OR1J2: variants seen among roughly 807,000 people sequenced by gnomAD.
The protein encoded by OR1J2 is olfactory receptor 1J2.
For missense variants in OR1J2, 304 were observed against 246.1 expected (o/e 1.24, Z -1.57); for synonymous variants, 142 against 99.7 (o/e 1.42, Z -2.52).
upstream of OR1J2, chr9:122,510,769 G>T: frequency 1.7e-6 from 2 of 1,189,264 alleles, no homozygotes; most frequent in South Asian, 3.0e-5. Context: ...ATATTCTCAA[G>T]CATTCTTCAT....
At chr9:122,524,081 T>C in the OR1J2 span, among the ~76,000 whole-genome samples, 1 of 152,232 alleles carries the variant, frequency 6.6e-6, no homozygotes, top group African/African-American at 2.4e-5. Context: ...TGCCTCATAA[T>C]GATGTTTTGG....
chr9:122,488,865 T>TTTG, the OR1J2 span, among the ~76,000 whole-genome samples: 2 of 151,592 alleles, frequency 1.3e-5, no homozygotes, highest in African/African-American at 4.9e-5. Context: ...TTTTTTAAAA[T>TTTG]TTATTATACT....
chr9:122,485,266 A>G, the OR1J2 span, among the ~76,000 whole-genome samples: 7 of 152,236 alleles, frequency 4.6e-5, no homozygotes, highest in African/African-American at 1.7e-4. Flanking sequence ...CAGCAGAATT[A>G]GAATATTTAT....
At chr9:122,484,754 T>C in the OR1J2 span, among the ~76,000 whole-genome samples, 27 of 152,242 alleles carry the variant, frequency 1.8e-4, no homozygotes, top group African/African-American at 6.5e-4. Context: ...AGTGTAGGAC[T>C]AGGTGCGTTG....
chr9:122,543,173 C>T, the OR1J2 span, among the ~76,000 whole-genome samples: 1 of 152,122 alleles, frequency 6.6e-6, no homozygotes, highest in Non-Finnish European at 1.5e-5. Flanking sequence ...TACATTTCTA[C>T]CAGCACTATA....
downstream of OR1J2, among the ~76,000 whole-genome samples, chr9:122,513,339 C>T (rs1828662106): frequency 6.6e-6 from 1 of 152,112 alleles, no homozygotes; most frequent in Admixed American, 6.5e-5. Flanking sequence ...AATACTTGTG[C>T]ATTTTGAAGG....
chr9:122,457,413 C>A, the OR1J2 span, among the ~76,000 whole-genome samples: 1 of 151,964 alleles, frequency 6.6e-6, no homozygotes, highest in African/African-American at 2.4e-5. Context: ...ATCAAAGAAA[C>A]TACTACTACC....
chr9:122,568,346 C>A, the OR1J2 span: 2 of 1,614,072 alleles, frequency 1.2e-6, no homozygotes, highest in Non-Finnish European at 1.7e-6. Flanking sequence ...GGATGATGAG[C>A]AGGTTCCCTG....
At chr9:122,493,018 C>A in the OR1J2 span, among the ~76,000 whole-genome samples, 1 of 152,026 alleles carries the variant, frequency 6.6e-6, no homozygotes, top group Non-Finnish European at 1.5e-5. Context: ...TATTGACTTA[C>A]GTATGTTAAA....
chr9:122,499,408 G>T, the OR1J2 span, among the ~76,000 whole-genome samples: 1 of 152,238 alleles, frequency 6.6e-6, no homozygotes, highest in Admixed American at 6.5e-5. Context: ...CTGCACAGGA[G>T]GGATGTGGCA....
the OR1J2 span, among the ~76,000 whole-genome samples, chr9:122,532,423 A>G: frequency 6.6e-6 from 1 of 151,978 alleles, no homozygotes; most frequent in African/African-American, 2.4e-5. Context: ...AGAAACAGGG[A>G]AGAAGGAAAT....
chr9:122,451,464 C>T, the OR1J2 span, among the ~76,000 whole-genome samples: 5 of 152,070 alleles, frequency 3.3e-5, no homozygotes, highest in Non-Finnish European at 5.9e-5. Flanking sequence ...GGATTACAGG[C>T]GTGAGCCACC....
chr9:122,486,775 A>G, the OR1J2 span, among the ~76,000 whole-genome samples: 1 of 152,206 alleles, frequency 6.6e-6, no homozygotes, highest in African/African-American at 2.4e-5. Flanking sequence ...AGGTCATTCA[A>G]TCCTGTGTTT....
the OR1J2 span, among the ~76,000 whole-genome samples, chr9:122,450,570 C>T: frequency 1.3e-5 from 2 of 152,180 alleles, no homozygotes; most frequent in Admixed American, 6.5e-5. Flanking sequence ...ATATAATCAC[C>T]TCAAATGCTT....
chr9:122,548,631 G>A, the OR1J2 span, among the ~76,000 whole-genome samples: 2 of 150,818 alleles, frequency 1.3e-5, no homozygotes, highest in Admixed American at 1.3e-4. Flanking sequence ...TCTAGGGTAT[G>A]TGTGCACAAC....
At chr9:122,568,007 T>C in the OR1J2 span, 1 of 1,611,518 alleles carries the variant, frequency 6.2e-7, no homozygotes, top group Non-Finnish European at 8.5e-7. Flanking sequence ...TGTGCAGGAG[T>C]GAGTGGAGGT....
chr9:122,571,859 G>T, the OR1J2 span, among the ~76,000 whole-genome samples: 1 of 152,124 alleles, frequency 6.6e-6, no homozygotes, highest in African/African-American at 2.4e-5. Context: ...GCTGATTCCT[G>T]ATGTTTTATG....
At chr9:122,542,153 T>C in the OR1J2 span, among the ~76,000 whole-genome samples, 1 of 152,226 alleles carries the variant, frequency 6.6e-6, no homozygotes, top group African/African-American at 2.4e-5. Context: ...GTTTGTTGCA[T>C]ATACCAGAAG....
At chr9:122,493,480 A>G in the OR1J2 span, among the ~76,000 whole-genome samples, 1 of 152,064 alleles carries the variant, frequency 6.6e-6, no homozygotes, top group Admixed American at 6.5e-5. Context: ...TTTTCTAGTA[A>G]ATGAGCATAA....
Sources: gnomAD v4.1 joint callset for allele counts (sites outside exome capture counted in the v4.1 genomes callset) on GRCh38, gnomAD v4.1.1 for gene constraint, MANE v1.5 for transcripts, NCBI Gene and HGNC (gene_info 2026-07-23, HGNC 2026-07-21) for gene names.